RBMS1: variants seen among roughly 807,000 people sequenced by gnomAD.
RBMS1 encodes RNA-binding motif, single-stranded-interacting protein 1.
In RBMS1, 17 loss-of-function variants were observed where a neutral mutation model predicts 62.3. The observed-to-expected ratio is 0.27, with a 90% CI of 0.19 to 0.41. The LOEUF is 0.41. Among genes scored for constraint, RBMS1 ranks in the 10% least tolerant of loss-of-function variants. RBMS1 has a pLI of 1.00. For synonymous variants in RBMS1, 172 were observed against 170.0 expected, an observed-to-expected ratio of 1.01 and a Z score of -0.09; for missense variants, 334 against 504.5, an observed-to-expected ratio of 0.66 and a Z score of 3.24.
chr2:160,489,220 A>C (rs1249129045), intron 1 of RBMS1, among the ~76,000 whole-genome samples: 1 of 152,188 alleles, frequency 6.6e-6, no homozygotes. Flanking sequence ...TAATAGTTAC[A>C]TGTCCTTCAG....
At position 160,464,329 on chromosome 2, in the gene RBMS1, A is replaced by G. The variant is rs147976732; in HGVS notation, c.75+28960T>C. Among the ~76,000 whole-genome samples, 892 of 152,378 alleles carry G rather than the reference A, an allele frequency of 5.9e-3. 6 individuals are homozygous for G. Among genetic ancestry groups the G allele is most frequent in the Non-Finnish European group, 9.7e-3 (658 of 68,036 alleles). ...TACTATGCAACAAAATGAATAAAAT[A>G]AGACATTTCTCAAAAACAATGCTGC... On this transcript the variant is annotated intron_variant, in intron 1 of 13. Coordinates refer to ENST00000348849, the MANE Select transcript of RBMS1 (RefSeq NM_016836.4).
At chr2:160,367,968 T>C (rs936088959) in intron 1 of RBMS1, among the ~76,000 whole-genome samples, 2 of 152,120 alleles carry the variant, frequency 1.3e-5, no homozygotes, top group Non-Finnish European at 2.9e-5. Flanking sequence ...TGGCTAACCT[T>C]GTGAAATTTA....
At chr2:160,423,927 G>A (rs776584813) in intron 1 of RBMS1, among the ~76,000 whole-genome samples, 2 of 151,994 alleles carry the variant, frequency 1.3e-5, no homozygotes, top group African/African-American at 2.4e-5. Context: ...CAGAGCATCC[G>A]GTCTACCTCA....
At chr2:160,428,048 T>A (rs1042348265) in intron 1 of RBMS1, among the ~76,000 whole-genome samples, 1 of 152,016 alleles carries the variant, frequency 6.6e-6, no homozygotes, top group Non-Finnish European at 1.5e-5. Flanking sequence ...AGAGAAAACA[T>A]GCAGGATGGC....
intron 1 of RBMS1, among the ~76,000 whole-genome samples, chr2:160,398,925 G>A (rs1397723474): frequency 6.6e-6 from 1 of 152,058 alleles, no homozygotes; most frequent in South Asian, 2.1e-4. Context: ...CATTCACACT[G>A]CCACATTTTA....
At chr2:160,484,225 G>A (rs891332477) in intron 1 of RBMS1, among the ~76,000 whole-genome samples, 1 of 152,140 alleles carries the variant, frequency 6.6e-6, no homozygotes, top group Non-Finnish European at 1.5e-5. Context: ...GGCCGGCGCG[G>A]TGGCTCATGC....
At chr2:160,436,953 T>C (rs1230642189) in intron 1 of RBMS1, among the ~76,000 whole-genome samples, 1 of 152,186 alleles carries the variant, frequency 6.6e-6, no homozygotes, top group Non-Finnish European at 1.5e-5. Flanking sequence ...CTAAGGTCTT[T>C]ATACAGAAAT....
chr2:160,308,066 G>T (rs1689636317), intron 4 of RBMS1, among the ~76,000 whole-genome samples: 1 of 152,066 alleles, frequency 6.6e-6, no homozygotes, highest in African/African-American at 2.4e-5. Flanking sequence ...GAAAGTGACG[G>T]GTACCCTCCC....
chr2:160,464,069 T>C (rs1000690343), intron 1 of RBMS1, among the ~76,000 whole-genome samples: 7 of 152,176 alleles, frequency 4.6e-5, no homozygotes, highest in Non-Finnish European at 1.0e-4. Flanking sequence ...CTCTCCTATA[T>C]GCCAGTGGAA....
chr2:160,452,516 G>A (rs1340677871), intron 1 of RBMS1, among the ~76,000 whole-genome samples: 9 of 151,010 alleles, frequency 6.0e-5, no homozygotes, highest in Non-Finnish European at 2.9e-5. Flanking sequence ...TATATTTTTT[G>A]TTGTTGTATT....
At chr2:160,366,671 C>T (rs1249612879) in intron 2 of RBMS1, among the ~76,000 whole-genome samples, 1 of 152,246 alleles carries the variant, frequency 6.6e-6, no homozygotes, top group Non-Finnish European at 1.5e-5. Flanking sequence ...CACATCCCTT[C>T]AGAACACTCT....
At chr2:160,373,547 C>T (rs901472471) in intron 1 of RBMS1, among the ~76,000 whole-genome samples, 3 of 152,122 alleles carry the variant, frequency 2.0e-5, no homozygotes, top group African/African-American at 7.2e-5. Context: ...CCAAGTTGCC[C>T]ACTGAGAACT....
chr2:160,306,936 A>G (rs1418190919), intron 4 of RBMS1, among the ~76,000 whole-genome samples: 1 of 152,148 alleles, frequency 6.6e-6, no homozygotes, highest in African/African-American at 2.4e-5. Flanking sequence ...TATTCTTTCA[A>G]TTATAGGTGA....
chr2:160,313,097 T>C (rs998120544), intron 4 of RBMS1, 59 bp downstream of exon 4: 1 of 1,519,032 alleles, frequency 6.6e-7, no homozygotes, highest in Non-Finnish European at 9.1e-7. Context: ...AAAGCAGACC[T>C]GTCGGGCTTC....
intron 1 of RBMS1, among the ~76,000 whole-genome samples, chr2:160,377,020 G>A (rs992722321): frequency 6.6e-6 from 1 of 151,882 alleles, no homozygotes; most frequent in Non-Finnish European, 1.5e-5. Flanking sequence ...ATGTTTGTGT[G>A]TGTGAATAAA....
At position 160,388,899 on chromosome 2, in the gene RBMS1, G is replaced by A. The variant is rs368269426; in HGVS notation, c.76-21508C>T. Among the ~76,000 whole-genome samples, 86 of 152,372 alleles carry A rather than the reference G, an allele frequency of 5.6e-4. No homozygotes were observed. The South Asian group carries it at 5.8e-3, about 10-fold the overall frequency. On this transcript the variant is annotated intron_variant, in intron 1 of 13. Coordinates refer to ENST00000348849, the MANE Select transcript of RBMS1 (RefSeq NM_016836.4). ...TCCCCCTGGGGGGAGGCCTTCCACAGCATACACCCACACAGTGACAGGCCA... is the reference window on the plus strand; with the variant it reads ...TCCCCCTGGGGGGAGGCCTTCCACAACATACACCCACACAGTGACAGGCCA...
chr2:160,376,208 T>C, intron 1 of RBMS1, among the ~76,000 whole-genome samples: 1 of 152,292 alleles, frequency 6.6e-6, no homozygotes, highest in Middle Eastern at 3.4e-3. Context: ...AAATATTAAG[T>C]TAGAAAACTT....
intron 2 of RBMS1, among the ~76,000 whole-genome samples, chr2:160,364,607 CT>C (rs1407164827): frequency 1.3e-5 from 2 of 152,162 alleles, no homozygotes; most frequent in African/African-American, 4.8e-5. Flanking sequence ...ACAACATCTG[CT>C]TTTCCACTGT....
rs72972868 is a variant in RBMS1 at position 160,330,329 on chromosome 2, G to A, written c.252-12102C>T. Among the ~76,000 whole-genome samples, 534 of 152,284 alleles carry A rather than the reference G, an allele frequency of 3.5e-3. 2 individuals are homozygous for A. Among genetic ancestry groups the A allele is most frequent in the Non-Finnish European group, 6.0e-3 (407 of 68,024 alleles). On this transcript the variant is annotated intron_variant, in intron 2 of 13. Transcript: ENST00000348849. ...GAGGCATCTGGGGATATGCCATATA[G>A]CTCTGTTCTTGGCCAGCACTTGTAA...
Sources: gnomAD v4.1 joint callset for allele counts (sites outside exome capture counted in the v4.1 genomes callset) on GRCh38, gnomAD v4.1.1 for gene constraint, MANE v1.5 for transcripts, NCBI Gene and HGNC (gene_info 2026-07-23, HGNC 2026-07-21) for gene names.